Variants in CD96 observed in about 807,000 individuals in gnomAD.
The protein encoded by CD96 is CD96 molecule.
A neutral mutation model predicts 71.3 loss-of-function variants in CD96; 70 were observed. The ratio of observed to expected loss-of-function variants is 0.98; its 90% CI spans 0.81 to 1.20. CD96 has a LOEUF of 1.20. Among genes scored for constraint, CD96 ranks in the 50% most tolerant of loss-of-function variants. CD96 has a pLI of 0.00. For synonymous variants in CD96, 248 were observed against 233.0 expected (o/e 1.06, Z -0.59); for missense variants, 742 against 677.5 (o/e 1.10, Z -1.06).
At chr3:111,603,600 T>G (rs1007932411) in intron 7 of CD96, among the ~76,000 whole-genome samples, 12 of 152,194 alleles carry the variant, frequency 7.9e-5, no homozygotes, top group Non-Finnish European at 1.6e-4. Context: ...ATGCAAAAGT[T>G]GAGTGCAATA....
chr3:111,604,507 C>T (rs575632598), intron 7 of CD96, among the ~76,000 whole-genome samples: 6 of 152,292 alleles, frequency 3.9e-5, no homozygotes, highest in African/African-American at 1.4e-4. Flanking sequence ...GTTTAGGTCC[C>T]ACATTTTATG....
intron 14 of CD96, among the ~76,000 whole-genome samples, chr3:111,659,413 G>A (rs1244607480): frequency 6.6e-6 from 1 of 151,926 alleles, no homozygotes; most frequent in Non-Finnish European, 1.5e-5. Flanking sequence ...TAGCTTTGGG[G>A]TTGGTTTTCT....
In CD96 at chr3:111,651,583, G is replaced by A. The variant is rs1940079825; in HGVS notation, c.*1777G>A. ...ATGAAGACACCAAGGCAGCCCTATT[G>A]AGAAATCTACCTGTCGTGGCCGGGC... On this transcript the variant is annotated 3_prime_UTR_variant, in exon 14 of 14. Coordinates refer to ENST00000352690, the MANE Select transcript of CD96 (RefSeq NM_005816.5). The A allele has an allele frequency of 6.6e-6, 1 of 152,500 alleles. No individual in the cohort carries two copies. The allele number at this position is 152,500 out of a possible 1,614,324, so 9.4% of individuals were successfully genotyped here.
intron 2 of CD96, among the ~76,000 whole-genome samples, chr3:111,559,057 C>T (rs2107518146): frequency 6.6e-6 from 1 of 151,994 alleles, no homozygotes; most frequent in East Asian, 1.9e-4. Flanking sequence ...GGTGATATCC[C>T]CTTTATCATT....
At chr3:111,618,956 T>C (rs1341547000) in intron 8 of CD96, among the ~76,000 whole-genome samples, 2 of 152,196 alleles carry the variant, frequency 1.3e-5, no homozygotes, top group African/African-American at 4.8e-5. Flanking sequence ...TTATTTGGCA[T>C]ATAGTAGGTC....
At chr3:111,593,952 G>A in intron 5 of CD96, 1 of 1,614,076 alleles carries the variant, frequency 6.2e-7, no homozygotes, top group Non-Finnish European at 8.5e-7. Flanking sequence ...CGGCTCACCT[G>A]CCTGCCACAC....
At chr3:111,553,121 A>T (rs975737093) in intron 2 of CD96, among the ~76,000 whole-genome samples, 3 of 150,634 alleles carry the variant, frequency 2.0e-5, no homozygotes, top group East Asian at 2.0e-4. Flanking sequence ...ACTAAAAAAA[A>T]ATTAGTATTT....
chr3:111,550,607 T>G (rs1356024081), intron 2 of CD96, among the ~76,000 whole-genome samples: 5 of 150,834 alleles, frequency 3.3e-5, no homozygotes, highest in Non-Finnish European at 5.9e-5. Flanking sequence ...AAAAGAACAG[T>G]TTTTTTTTAT....
At chr3:111,633,340 C>G (rs1939165039) in intron 10 of CD96, among the ~76,000 whole-genome samples, 1 of 152,020 alleles carries the variant, frequency 6.6e-6, no homozygotes, top group African/African-American at 2.4e-5. Context: ...TTTAAGATCC[C>G]TGATCACAGA....
At chr3:111,614,002 C>T (rs534168128) in intron 8 of CD96, among the ~76,000 whole-genome samples, 8 of 152,258 alleles carry the variant, frequency 5.3e-5, no homozygotes, top group Admixed American at 2.6e-4. Context: ...TTTTCTTGGC[C>T]TCTAAAAGAA....
intron 5 of CD96, among the ~76,000 whole-genome samples, chr3:111,591,699 G>A (rs531811372): frequency 6.6e-6 from 1 of 152,288 alleles, no homozygotes; most frequent in East Asian, 1.9e-4. Context: ...AGGTAGAGAA[G>A]GTTCTAAAAG....
intron 7 of CD96, among the ~76,000 whole-genome samples, chr3:111,601,935 C>T (rs1369436086): frequency 6.6e-6 from 1 of 152,224 alleles, no homozygotes; most frequent in Non-Finnish European, 1.5e-5. Context: ...TGCCGGGGCA[C>T]TGGCATCGCT....
chr3:111,559,266 C>G lies in CD96; in HGVS notation c.419-8257C>G, dbSNP rs1327330354. 3.2e-5 allele frequency among the ~76,000 whole-genome samples: 4 copies of G among 124,388 alleles called. No individual in the cohort carries two copies. The Admixed American group carries it at 3.2e-4, about 10-fold the overall frequency. The allele number at this position is 124,388 out of a possible 152,430, so 81.6% of individuals were successfully genotyped here. A position where few individuals can be genotyped will look rare whatever the true frequency, so the allele number is the denominator to read the frequency against. ...TTCTGCTAGCTTTTGAATGTGTTTG[C>G]TCTTGCTTTTCTAGTTCTTTTAATT... On this transcript the variant is annotated intron_variant, in intron 2 of 13. Coordinates refer to ENST00000352690, the MANE Select transcript of CD96 (RefSeq NM_005816.5).
At chr3:111,634,924 T>C (rs1183880989) in intron 10 of CD96, 2 of 151,870 alleles carry the variant, frequency 1.3e-5, no homozygotes, top group African/African-American at 4.9e-5. Context: ...AATAGTAACA[T>C]AATTCTGCTG....
At chr3:111,665,778 A>G (rs1229186055), downstream of CD96, 1 of 152,226 alleles carries the variant, frequency 6.6e-6, no homozygotes, top group African/African-American at 2.4e-5. Flanking sequence ...CACAGTTTAC[A>G]GCAGTCCCTG....
intron 7 of CD96, among the ~76,000 whole-genome samples, chr3:111,604,649 G>T (rs1937574208): frequency 6.6e-6 from 1 of 152,086 alleles, no homozygotes; most frequent in Non-Finnish European, 1.5e-5. Context: ...GATGAAATAT[G>T]GCAGAAAAGT....
chr3:111,575,783 G>A (rs752165208), intron 3 of CD96, among the ~76,000 whole-genome samples: 2 of 152,186 alleles, frequency 1.3e-5, no homozygotes, highest in Non-Finnish European at 2.9e-5. Flanking sequence ...TCCTCACATG[G>A]CAGAAGAGCA....
At chr3:111,563,413 A>G (rs1383564888) in intron 2 of CD96, among the ~76,000 whole-genome samples, 1 of 152,266 alleles carries the variant, frequency 6.6e-6, no homozygotes, top group Admixed American at 6.5e-5. Context: ...AACCAGCTCC[A>G]TGTGGCTAAA....
intron 14 of CD96, among the ~76,000 whole-genome samples, chr3:111,661,701 G>A (rs1940363020): frequency 6.6e-6 from 1 of 152,222 alleles, no homozygotes; most frequent in Non-Finnish European, 1.5e-5. Context: ...AGGTCACACT[G>A]ATGCAAAGGG....
Sources: gnomAD v4.1 joint callset for allele counts (sites outside exome capture counted in the v4.1 genomes callset) on GRCh38, gnomAD v4.1.1 for gene constraint, MANE v1.5 for transcripts, NCBI Gene and HGNC (gene_info 2026-07-23, HGNC 2026-07-21) for gene names.